The following LRRCC1 variants were observed in gnomAD, a reference collection of about 807,000 sequenced individuals.
The protein encoded by LRRCC1 is leucine-rich repeat and coiled-coil domain-containing protein 1.
Under a neutral mutation model 126.0 loss-of-function variants are expected in LRRCC1, and 115 were observed. The ratio of observed to expected loss-of-function variants is 0.91; its 90% confidence interval spans 0.78 to 1.07. The LOEUF (loss-of-function observed/expected upper bound fraction) is 1.07. Among genes scored for constraint, LRRCC1 ranks in the 50% least tolerant of loss-of-function variants. The pLI, the probability that LRRCC1 is intolerant of heterozygous loss-of-function variation, is 0.00. For missense variants in LRRCC1, 1,172 were observed against 1,175.7 expected, an observed-to-expected ratio of 1.00 and a Z score of 0.05; for synonymous variants, 400 against 393.4, an observed-to-expected ratio of 1.02 and a Z score of -0.20.
intron 11 of LRRCC1, among the ~76,000 whole-genome samples, chr8:85,130,261 G>A (rs922642408): frequency 4.6e-5 from 7 of 150,782 alleles, no homozygotes; most frequent in Admixed American, 2.0e-4. Context: ...TCAGCCTCCC[G>A]AGTAGCTGGG....
chr8:85,117,372 A>G (rs1188008849), intron 6 of LRRCC1, among the ~76,000 whole-genome samples: 3 of 152,172 alleles, frequency 2.0e-5, no homozygotes, highest in African/African-American at 7.2e-5. Context: ...CTGGAAAGAA[A>G]GGTGATTCAC....
chr8:85,138,610 C>T (rs2135997096), intron 17 of LRRCC1, 135 bp downstream of exon 17: 2 of 914,868 alleles, frequency 2.2e-6, no homozygotes, highest in Non-Finnish European at 3.3e-6. Context: ...ATTTCCATTT[C>T]ATCTGTAAAA....
At chr8:85,135,312 G>A (rs957587208) in intron 13 of LRRCC1, among the ~76,000 whole-genome samples, 4 of 152,178 alleles carry the variant, frequency 2.6e-5, no homozygotes, top group African/African-American at 9.7e-5. Context: ...TTGTGGAAGT[G>A]ATACTCAAAT....
chr8:85,120,663 G>T (rs1045860601), intron 6 of LRRCC1, among the ~76,000 whole-genome samples: 1 of 151,950 alleles, frequency 6.6e-6, no homozygotes, highest in African/African-American at 2.4e-5. Context: ...TTTCTCTATG[G>T]ATTTGCCTAT....
At chr8:85,126,964 C>T (rs1810059722) in intron 9 of LRRCC1, 127 bp downstream of exon 9, 1 of 798,120 alleles carries the variant, frequency 1.3e-6, no homozygotes, top group African/African-American at 1.7e-5. Context: ...TTGATTTGAA[C>T]TAATTTTATT....
At chr8:85,135,229 TAA>T (rs1490535682) in intron 13 of LRRCC1, among the ~76,000 whole-genome samples, 197 bp downstream of exon 13, 2 of 152,174 alleles carry the variant, frequency 1.3e-5, no homozygotes, top group African/African-American at 2.4e-5. Flanking sequence ...AGCAATTAGG[TAA>T]AATAAGTAAA....
At chr8:85,118,033 C>T (rs1315926652) in intron 6 of LRRCC1, among the ~76,000 whole-genome samples, 1 of 152,054 alleles carries the variant, frequency 6.6e-6, no homozygotes, top group African/African-American at 2.4e-5. Flanking sequence ...GACAAGCAGT[C>T]CTCCACTGCC....
intron 18 of LRRCC1, 106 bp downstream of exon 18, chr8:85,141,623 A>G: frequency 1.2e-6 from 1 of 819,272 alleles, no homozygotes; most frequent in Non-Finnish European, 1.8e-6. Context: ...TGATCTCATG[A>G]CCAAATAGAT....
chr8:85,114,446 A>G (rs1808953319), intron 4 of LRRCC1, among the ~76,000 whole-genome samples: 1 of 151,986 alleles, frequency 6.6e-6, no homozygotes, highest in Non-Finnish European at 1.5e-5. Flanking sequence ...TCTTCCAACC[A>G]CTTTGTTGGT....
chr8:85,124,650 A>G (rs368812411), intron 7 of LRRCC1, 142 bp from the exon 8 acceptor site: 8 of 453,990 alleles, frequency 1.8e-5, no homozygotes, highest in Non-Finnish European at 3.1e-5. Context: ...AAAATTTATG[A>G]AGCAGTTTGT....
Position 85,131,972 on chromosome 8 carries a change from G to A in LRRCC1, c.1968+11G>A. The A allele has an allele frequency of 6.2e-7, 1 of 1,601,966 alleles. No individual in the cohort carries two copies. Among genetic ancestry groups the A allele is most frequent in the South Asian group, 1.1e-5 (1 of 88,256 alleles). On this transcript the variant is annotated intron_variant, in intron 12 of 18. Transcript: ENST00000360375. ...AGAAGATTTCAAGATGTAAGAATTG[G>A]CACCCAGCTTTTTATTGAAAACAGA... is the stretch of plus-strand genomic sequence containing the variant.
chr8:85,109,291 G>C (rs1808504984), intron 1 of LRRCC1: 1 of 307,444 alleles, frequency 3.3e-6, no homozygotes, highest in Admixed American at 4.6e-5. Flanking sequence ...AGCCTTTACA[G>C]TTATTGACTA....
chr8:85,130,582 C>A (rs1810393949), intron 11 of LRRCC1, among the ~76,000 whole-genome samples: 1 of 152,054 alleles, frequency 6.6e-6, no homozygotes, highest in Non-Finnish European at 1.5e-5. Flanking sequence ...TGAATAGTTG[C>A]CTTTGTTATC....
chr8:85,141,373 T>G lies in LRRCC1; in HGVS notation c.2841-9T>G. On this transcript the variant is annotated splice_polypyrimidine_tract_variant and intron_variant, in intron 17 of 18. Coordinates refer to ENST00000360375, the MANE Select transcript of LRRCC1 (RefSeq NM_033402.5). ...CACATATATATGTGGATGTTCTTGTTTTTTTAAGGAATGCAATGGAAAAAC... is the reference window on the plus strand; with the variant it reads ...CACATATATATGTGGATGTTCTTGTGTTTTTAAGGAATGCAATGGAAAAAC... 6.2e-7 allele frequency: 1 copy of G among 1,608,288 alleles called. No homozygotes were observed. Among genetic ancestry groups the G allele is most frequent in the Non-Finnish European group, 8.5e-7 (1 of 1,176,114 alleles).
intron 18 of LRRCC1, among the ~76,000 whole-genome samples, chr8:85,144,463 TATATA>T (rs1811506471): frequency 2.1e-5 from 1 of 48,300 alleles, no homozygotes; most frequent in African/African-American, 8.3e-5. Flanking sequence ...TATATATATA[TATATA>T]TATATATTTT....
chr8:85,126,838 G>A lies in LRRCC1; in HGVS notation c.1421+1G>A. On this transcript the variant is annotated splice_donor_variant, in intron 9 of 18. Coordinates refer to ENST00000360375, the MANE Select transcript of LRRCC1 (RefSeq NM_033402.5). LOFTEE classifies it high-confidence loss of function. Reference sequence around the variant, plus strand: ...GTCTGGCTCTACTTACCACAGATAGGTAAAAAGAAATTAATAAACCTGAAG... The same window carrying A: ...GTCTGGCTCTACTTACCACAGATAGATAAAAAGAAATTAATAAACCTGAAG... 1 of 1,602,106 alleles carries A rather than the reference G, an allele frequency of 6.2e-7. No individual in the cohort carries two copies. The highest frequency in any genetic ancestry group is 8.5e-7 in the Non-Finnish European group (1 of 1,175,932).
chr8:85,119,511 T>A (rs76922684), intron 6 of LRRCC1, among the ~76,000 whole-genome samples: 1 of 151,056 alleles, frequency 6.6e-6, no homozygotes, highest in Non-Finnish European at 1.5e-5. Context: ...TTTTTTTTTT[T>A]AATACAGTCT....
rs551511525 is a variant in LRRCC1 at position 85,139,572 on chromosome 8, C to T, written c.2840+1097C>T. Among the ~76,000 whole-genome samples, 11 of 152,040 alleles carry T rather than the reference C, an allele frequency of 7.2e-5. No homozygotes were observed. In the East Asian group the frequency reaches 2.1e-3, roughly 30 times the overall value. On this transcript the variant is annotated intron_variant, in intron 17 of 18. Transcript: ENST00000360375. ...TGAGCCACCACGCCCGGCCGAGAGC[C>T]GATTTTAAAGAGAGGAAATAAAATG...
At chr8:85,136,107 G>A (rs1195107558) in intron 14 of LRRCC1, 144 bp downstream of exon 14, 3 of 567,294 alleles carry the variant, frequency 5.3e-6, no homozygotes, top group Non-Finnish European at 8.4e-6. Flanking sequence ...GTAGGCATTT[G>A]CCAGCTACAG....
Sources: gnomAD v4.1 joint callset for allele counts (sites outside exome capture counted in the v4.1 genomes callset) on GRCh38, gnomAD v4.1.1 for gene constraint, MANE v1.5 for transcripts, NCBI Gene and HGNC (gene_info 2026-07-23, HGNC 2026-07-21) for gene names.